The following PCDHGA11 variants were observed in gnomAD, a reference collection of about 807,000 sequenced individuals.
PCDHGA11 encodes the protein protocadherin gamma subfamily A, 11.
A neutral mutation model predicts 60.4 loss-of-function variants in PCDHGA11; 39 were observed. The observed-to-expected ratio is 0.65, with a 90% confidence interval of 0.50 to 0.84. The LOEUF is 0.84. Among genes scored for constraint, PCDHGA11 ranks in the 40% least tolerant of loss-of-function variants. The probability of loss-of-function intolerance (pLI) is 0.00; values close to 1 mark genes in which losing one functional copy is unlikely to be tolerated. For synonymous variants in PCDHGA11, 533 were observed against 510.3 expected (o/e 1.04, Z -0.60); for missense variants, 1,165 against 1,197.7 (o/e 0.97, Z 0.40).
chr5:141,491,726 C>T lies in PCDHGA11; in HGVS notation c.2434-3081C>T. On this transcript the variant is annotated intron_variant, in intron 1 of 3. Transcript: ENST00000398587. This position sits in a 1 kb window ranked among gnomAD's most constrained non-coding sequence, Gnocchi z 6.9. ...GTGAGGGGCTCGGCGCCGCCCCGGG[C>T]GACCCCTGGGGGCGGCACTGGAGAA... The T allele has an allele frequency of 6.2e-7, 1 of 1,605,884 alleles. No individual in the cohort carries two copies. Among genetic ancestry groups the T allele is most frequent in the East Asian group, 2.2e-5 (1 of 44,600 alleles).
In PCDHGA11 at chr5:141,423,241, G is replaced by T. The variant is rs1485226833; in HGVS notation, c.2014G>T (p.Val672Phe). The T allele has an allele frequency of 6.8e-6, 11 of 1,613,836 alleles. No individual in the cohort carries two copies. The Admixed American group carries it at 1.5e-4, about 22-fold the overall frequency. The change falls in exon 1 of 4, where the codon GTC becomes TTC. Residue 672 changes from valine to phenylalanine, a missense_variant. Transcript: ENST00000398587. ...GGCTGTGGCCGACAGCATCCCCGAAGTCCTGGCGGACCTCGGCAGCCTCGA... is the reference window on the plus strand; with the variant it reads ...GGCTGTGGCCGACAGCATCCCCGAATTCCTGGCGGACCTCGGCAGCCTCGA... The part of the protein sequence containing the change: ...TVAVADSIPE[V>F]LADLGSLESL...
chr5:141,488,480 C>A (rs935896624), intron 1 of PCDHGA11, among the ~76,000 whole-genome samples: 6 of 152,298 alleles, frequency 3.9e-5, no homozygotes, highest in African/African-American at 1.4e-4. Flanking sequence ...GTTCCCCTAC[C>A]CAAAAACTGT....
Position 141,423,752 on chromosome 5 carries a change from G to A in PCDHGA11, c.2433+92G>A, listed in dbSNP as rs749899386. 4.7e-6 allele frequency: 3 copies of A among 644,956 alleles called. 1 individual carries two copies. The highest frequency in any genetic ancestry group is 1.1e-4 in the South Asian group (2 of 17,914). 40.0% of individuals were successfully genotyped at this position (644,956 alleles called of 1,614,324 possible). ...TTGAGCCTGTTATGAAAACTGTTTGGGGGGGGGGTGGGGCGGCATATATTT... is the reference window on the plus strand; with the variant it reads ...TTGAGCCTGTTATGAAAACTGTTTGAGGGGGGGGTGGGGCGGCATATATTT... On this transcript the variant is annotated intron_variant, in intron 1 of 3. Transcript: ENST00000398587.
chr5:141,436,973 T>C (rs1209787552), intron 1 of PCDHGA11, among the ~76,000 whole-genome samples: 1 of 152,234 alleles, frequency 6.6e-6, no homozygotes, highest in Non-Finnish European at 1.5e-5. Context: ...TTGTGAAACT[T>C]ATTTTAAAGA....
Position 141,432,473 on chromosome 5 carries a change from T to G in PCDHGA11, c.2433+8813T>G. On this transcript the variant is annotated intron_variant, in intron 1 of 3. Coordinates refer to ENST00000398587, the MANE Select transcript of PCDHGA11 (RefSeq NM_018914.3). The surrounding 1 kb of genome is among the most constrained non-coding windows in gnomAD (Gnocchi z 6.0). ...GTACCCCGCCCTCCCCACGGACGGT[T>G]CCACTGGCGTGGAGCTGGCTCCCCG... 1 of 1,614,180 alleles carries G rather than the reference T, an allele frequency of 6.2e-7. No individual in the cohort carries two copies. The highest frequency in any genetic ancestry group is 1.1e-5 in the South Asian group (1 of 91,078).
chr5:141,435,951 G>A (rs371199258), intron 1 of PCDHGA11, among the ~76,000 whole-genome samples: 1 of 152,100 alleles, frequency 6.6e-6, no homozygotes, highest in Non-Finnish European at 1.5e-5. Context: ...ACCAAAAAAG[G>A]GGGCAAAATA....
intron 1 of PCDHGA11, among the ~76,000 whole-genome samples, chr5:141,482,771 A>ACCTAAAATCTCAAACAC (rs1168136626): frequency 4.9e-5 from 7 of 141,414 alleles, no homozygotes; most frequent in African/African-American, 8.5e-5. Flanking sequence ...ATTATCACTG[A>ACCTAAAATCTCAAACAC]ACCTTAAACT....
At chr5:141,510,315 G>A (rs2099880567) in intron 3 of PCDHGA11, among the ~76,000 whole-genome samples, 1 of 151,324 alleles carries the variant, frequency 6.6e-6, no homozygotes, top group African/African-American at 2.4e-5. Flanking sequence ...TGGAGGCTTG[G>A]AAGAGCACTC....
At chr5:141,470,780 T>G (rs1436746772) in intron 1 of PCDHGA11, among the ~76,000 whole-genome samples, 1 of 152,194 alleles carries the variant, frequency 6.6e-6, no homozygotes, top group Non-Finnish European at 1.5e-5. Flanking sequence ...CTTGAATTCC[T>G]GGGCTCAAGC....
chr5:141,480,137 A>G (rs1183663599), intron 1 of PCDHGA11, among the ~76,000 whole-genome samples: 2 of 152,096 alleles, frequency 1.3e-5, no homozygotes, highest in Non-Finnish European at 2.9e-5. Context: ...CTGTTAAACA[A>G]TTATTAGCCA....
intron 1 of PCDHGA11, chr5:141,440,479 T>C (rs949675242): frequency 6.6e-6 from 1 of 152,172 alleles, no homozygotes; most frequent in African/African-American, 2.4e-5. Context: ...TTGAAAATTC[T>C]TTAAATGTTT....
chr5:141,476,741 A>G lies in PCDHGA11; in HGVS notation c.2434-18066A>G, dbSNP rs1430298222. On this transcript the variant is annotated intron_variant, in intron 1 of 3. Transcript: ENST00000398587. The surrounding 1 kb of genome is among the most constrained non-coding windows in gnomAD (Gnocchi z 7.6). ...CGCCCTGGACCGAGAACGGGAGCCT[A>G]GTCTCCAGTTAGTGCTGACGGCGTT... The G allele has an allele frequency of 6.2e-7, 1 of 1,613,936 alleles. No individual in the cohort carries two copies. Among genetic ancestry groups the G allele is most frequent in the Non-Finnish European group, 8.5e-7 (1 of 1,180,032 alleles).
intron 1 of PCDHGA11, among the ~76,000 whole-genome samples, chr5:141,481,647 A>G (rs749515062): frequency 1.6e-4 from 25 of 151,712 alleles, no homozygotes; most frequent in Non-Finnish European, 2.8e-4. Flanking sequence ...GTGAAACTTC[A>G]TCTCTACTAA....
rs967535805 is a variant in PCDHGA11 at position 141,490,206 on chromosome 5, C to T, written c.2434-4601C>T. 2.4e-5 allele frequency: 38 copies of T among 1,614,050 alleles called. No homozygotes were observed. In the Admixed American group the frequency reaches 5.0e-4, roughly 21 times the overall value. ...GTTTCTATGAAATTCATGCAAGAGCCCGTGACCAGGGACAGCCTGCCATGG... is the reference window on the plus strand; with the variant it reads ...GTTTCTATGAAATTCATGCAAGAGCTCGTGACCAGGGACAGCCTGCCATGG... On this transcript the variant is annotated intron_variant, in intron 1 of 3. Coordinates refer to ENST00000398587, the MANE Select transcript of PCDHGA11 (RefSeq NM_018914.3). This position sits in a 1 kb window ranked among gnomAD's most constrained non-coding sequence, Gnocchi z 5.4.
At chr5:141,457,439 C>T (rs2098920819) in intron 1 of PCDHGA11, among the ~76,000 whole-genome samples, 1 of 152,194 alleles carries the variant, frequency 6.6e-6, no homozygotes, top group Non-Finnish European at 1.5e-5. Context: ...CACCAAGCTG[C>T]AGAAGATCAC....
intron 1 of PCDHGA11, among the ~76,000 whole-genome samples, chr5:141,455,286 T>G (rs889792228): frequency 6.6e-6 from 1 of 152,176 alleles, no homozygotes; most frequent in African/African-American, 2.4e-5. Flanking sequence ...AACATCACTT[T>G]ACATAGTTTC....
chr5:141,509,830 T>A (rs1328716142), intron 3 of PCDHGA11, among the ~76,000 whole-genome samples: 1 of 152,204 alleles, frequency 6.6e-6, no homozygotes, highest in African/African-American at 2.4e-5. Flanking sequence ...ATCTTCTCTC[T>A]ACCTCCCATT....
Position 141,421,748 on chromosome 5 carries a change from G to A in PCDHGA11, c.521G>A (p.Ser174Asn), listed in dbSNP as rs763166274. The change falls in exon 1 of 4, where the codon AGC becomes AAC. Residue 174 changes from serine (S) to asparagine (N), a missense_variant. Ser to Asn is a conservative substitution (Grantham distance 46). Coordinates refer to ENST00000398587, the MANE Select transcript of PCDHGA11 (RefSeq NM_018914.3). ...GVNSLQSYQLSPNNYFSLQLR... is the reference protein window; with the variant it reads ...GVNSLQSYQLNPNNYFSLQLR... ...AACTCCCTCCAGAGCTACCAGCTCA[G>A]CCCTAATAATTACTTTTCCTTGCAA... is the stretch of plus-strand genomic sequence containing the variant. The A allele has an allele frequency of 2.5e-6, 4 of 1,613,944 alleles. No individual in the cohort carries two copies. Among genetic ancestry groups the A allele is most frequent in the South Asian group, 2.2e-5 (2 of 91,080 alleles).
chr5:141,478,927 C>T (rs2154577116), intron 1 of PCDHGA11: 2 of 690,162 alleles, frequency 2.9e-6, no homozygotes, highest in East Asian at 6.0e-5. Flanking sequence ...TAACCAGTGG[C>T]AGCTTCTAGG....
Sources: allele counts gnomAD v4.1 joint callset (sites outside exome capture counted in the v4.1 genomes callset), GRCh38; gene constraint gnomAD v4.1.1; non-coding constraint Gnocchi (gnomAD v3.1); transcripts MANE v1.5; gene names NCBI Gene and HGNC (gene_info 2026-07-23, HGNC 2026-07-21).